The following FSTL5 variants were observed in gnomAD, a reference collection of about 807,000 sequenced individuals.
FSTL5 encodes the protein follistatin like 5.
A neutral mutation model predicts 89.1 loss-of-function variants in FSTL5; 62 were observed. The ratio of observed to expected loss-of-function variants is 0.70; its 90% CI spans 0.57 to 0.86. FSTL5 has a LOEUF of 0.86. Ranked by LOEUF, FSTL5 falls within the 40% of genes least tolerant of loss-of-function variation. The probability of loss-of-function intolerance (pLI) is 0.00; values close to 1 mark genes in which losing one functional copy is unlikely to be tolerated. For synonymous variants in FSTL5, 383 were observed against 346.2 expected (o/e 1.11, Z -1.18); for missense variants, 1,057 against 1,001.6 (o/e 1.06, Z -0.75).
At chr4:161,519,160 T>A (rs1730938631) in intron 10 of FSTL5, among the ~76,000 whole-genome samples, 1 of 152,144 alleles carries the variant, frequency 6.6e-6, no homozygotes, top group African/African-American at 2.4e-5. Context: ...ATAGAGACAT[T>A]TACTGTTTCA....
intron 2 of FSTL5, among the ~76,000 whole-genome samples, chr4:162,098,208 A>G (rs1219712078): frequency 6.6e-6 from 1 of 152,030 alleles, no homozygotes; most frequent in African/African-American, 2.4e-5. Context: ...TGAAAAACGT[A>G]TTACATAAAT....
intron 4 of FSTL5, among the ~76,000 whole-genome samples, chr4:161,871,334 AT>A (rs1343215337): frequency 6.6e-6 from 1 of 152,056 alleles, no homozygotes; most frequent in Non-Finnish European, 1.5e-5. Flanking sequence ...CATACTTAAA[AT>A]TTTCAAGATT....
chr4:161,728,789 G>A (rs918903638), intron 6 of FSTL5, among the ~76,000 whole-genome samples: 1 of 152,094 alleles, frequency 6.6e-6, no homozygotes, highest in Non-Finnish European at 1.5e-5. Flanking sequence ...AGGGGTATGC[G>A]ATGGTACATC....
At chr4:161,445,292 C>A (rs1190313965) in intron 15 of FSTL5, among the ~76,000 whole-genome samples, 1 of 151,780 alleles carries the variant, frequency 6.6e-6, no homozygotes, top group Non-Finnish European at 1.5e-5. Context: ...ATATCTAGTT[C>A]ACTTTTCTTT....
chr4:161,623,937 A>G (rs1423237864), intron 7 of FSTL5, among the ~76,000 whole-genome samples: 2 of 152,026 alleles, frequency 1.3e-5, no homozygotes, highest in Non-Finnish European at 2.9e-5. Context: ...CTTTTTAAAG[A>G]AATTTATATA....
chr4:161,535,093 G>C (rs1330919612), intron 10 of FSTL5, among the ~76,000 whole-genome samples: 2 of 152,088 alleles, frequency 1.3e-5, no homozygotes, highest in Non-Finnish European at 2.9e-5. Context: ...AAAGATTTCA[G>C]TGTAAGACCT....
intron 6 of FSTL5, among the ~76,000 whole-genome samples, chr4:161,724,523 T>C (rs1416089731): frequency 6.6e-6 from 1 of 152,212 alleles, no homozygotes; most frequent in African/African-American, 2.4e-5. Context: ...TATGAATCAT[T>C]CTAAAGACTT....
At chr4:161,968,710 C>A (rs1735393818) in intron 3 of FSTL5, among the ~76,000 whole-genome samples, 1 of 152,008 alleles carries the variant, frequency 6.6e-6, no homozygotes, top group African/African-American at 2.4e-5. Context: ...TGTTTGAACA[C>A]CTGTTGTGAC....
chr4:161,696,789 T>C (rs1183168226), intron 6 of FSTL5, among the ~76,000 whole-genome samples: 1 of 152,350 alleles, frequency 6.6e-6, no homozygotes, highest in Non-Finnish European at 1.5e-5. Context: ...CTGATTTGTG[T>C]ACATTAATTT....
chr4:161,636,036 C>G (rs569321270), intron 7 of FSTL5, among the ~76,000 whole-genome samples: 1 of 149,294 alleles, frequency 6.7e-6, no homozygotes, highest in African/African-American at 2.5e-5. Flanking sequence ...TACGTAGTTA[C>G]GGAGAAAAGA....
intron 2 of FSTL5, among the ~76,000 whole-genome samples, chr4:162,084,621 C>T (rs993429469): frequency 6.6e-6 from 1 of 151,924 alleles, no homozygotes; most frequent in Admixed American, 6.6e-5. Context: ...ATGTCCTTTG[C>T]AGGGACATGG....
At chr4:161,449,108 C>A (rs1733060506) in intron 15 of FSTL5, among the ~76,000 whole-genome samples, 1 of 152,058 alleles carries the variant, frequency 6.6e-6, no homozygotes, top group African/African-American at 2.4e-5. Context: ...TATATAAATG[C>A]CTGTTGCTTA....
chr4:161,550,600 T>C (rs1292924358), intron 8 of FSTL5, among the ~76,000 whole-genome samples: 3 of 147,790 alleles, frequency 2.0e-5, no homozygotes, highest in Non-Finnish European at 4.5e-5. Flanking sequence ...TTTATTATTA[T>C]ACTTTAAGTT....
In FSTL5 at chr4:161,761,556, G is replaced by T. The variant is rs539901975; in HGVS notation, c.607-2025C>A. Among the ~76,000 whole-genome samples, 9 of 152,284 alleles carry T rather than the reference G, an allele frequency of 5.9e-5. 1 individual carries two copies. The South Asian group carries it at 1.9e-3, about 32-fold the overall frequency. On this transcript the variant is annotated intron_variant, in intron 5 of 15. Coordinates refer to ENST00000306100, the MANE Select transcript of FSTL5 (RefSeq NM_020116.5). ...TGGGGAAAAGCTTTTGTCATTTTCTGTCTCATGTTTATTTCTGTTTTAATA... is the reference window on the plus strand; with the variant it reads ...TGGGGAAAAGCTTTTGTCATTTTCTTTCTCATGTTTATTTCTGTTTTAATA...
intron 15 of FSTL5, among the ~76,000 whole-genome samples, chr4:161,411,490 T>TGATCAA (rs1731589403): frequency 6.6e-6 from 1 of 152,180 alleles, no homozygotes; most frequent in African/African-American, 2.4e-5. Context: ...TAATACACTA[T>TGATCAA]GATCAAGTAG....
At chr4:161,630,032 C>G (rs138881235) in intron 7 of FSTL5, among the ~76,000 whole-genome samples, 2,242 of 152,308 alleles carry the variant, frequency 0.015, 53 homozygotes, top group African/African-American at 0.049. Flanking sequence ...GCCGAGGCCT[C>G]TTAATGGGGG....
chr4:162,098,906 C>T lies in FSTL5; in HGVS notation c.126+12365G>A, dbSNP rs556218805. ...GCAACAAAAAGAATCCACACACAGA[C>T]TTTAAATCCTTCACAAAAATTAACT... On this transcript the variant is annotated intron_variant, in intron 2 of 15. Transcript: ENST00000306100. Among the ~76,000 whole-genome samples the T allele has an allele frequency of 8.4e-4, 128 of 152,194 alleles. 1 individual carries two copies. Among genetic ancestry groups the T allele is most frequent in the African/African-American group, 3.1e-3 (127 of 41,578 alleles).
chr4:161,615,293 CAAAAAAA>C (rs1203046031), intron 7 of FSTL5, among the ~76,000 whole-genome samples: 6 of 26,464 alleles, frequency 2.3e-4, no homozygotes, highest in African/African-American at 7.1e-4. Flanking sequence ...GACTCTGTCT[CAAAAAAA>C]AAAAAAAAAA....
intron 6 of FSTL5, among the ~76,000 whole-genome samples, chr4:161,750,412 C>T (rs748195235): frequency 6.6e-5 from 10 of 152,072 alleles, no homozygotes; most frequent in Admixed American, 3.3e-4. Flanking sequence ...GAATAATATA[C>T]ACTTAATGCT....
Sources: allele counts gnomAD v4.1 joint callset (sites outside exome capture counted in the v4.1 genomes callset), GRCh38; gene constraint gnomAD v4.1.1; transcripts MANE v1.5; gene names NCBI Gene and HGNC (gene_info 2026-07-23, HGNC 2026-07-21).